LRRTM4: variants seen among roughly 807,000 people sequenced by gnomAD.
LRRTM4 encodes the protein leucine-rich repeat transmembrane neuronal protein 4.
A neutral mutation model predicts 47.6 loss-of-function variants in LRRTM4; 25 were observed. The ratio of observed to expected loss-of-function variants is 0.53; its 90% CI spans 0.38 to 0.73. The LOEUF (loss-of-function observed/expected upper bound fraction) is 0.73, where lower values mean the gene tolerates loss of function less well. Among genes scored for constraint, LRRTM4 ranks in the 30% least tolerant of loss-of-function variants. The pLI is 0.00. For missense variants in LRRTM4, 638 were observed against 713.4 expected (o/e 0.89, Z 1.20); for synonymous variants, 311 against 269.5 (o/e 1.15, Z -1.51).
chr2:77,401,945 A>G (rs1673976266), intron 3 of LRRTM4, among the ~76,000 whole-genome samples: 1 of 152,022 alleles, frequency 6.6e-6, no homozygotes, highest in African/African-American at 2.4e-5. Context: ...TGAAAGAACG[A>G]CTATTTTAGA....
chr2:77,222,872 C>T (rs1674681090), intron 3 of LRRTM4, among the ~76,000 whole-genome samples: 1 of 152,142 alleles, frequency 6.6e-6, no homozygotes, highest in African/African-American at 2.4e-5. Flanking sequence ...TCAGCATCAT[C>T]CTGATACCAA....
intron 3 of LRRTM4, among the ~76,000 whole-genome samples, chr2:77,050,822 C>T (rs1679406350): frequency 6.6e-6 from 1 of 152,074 alleles, no homozygotes; most frequent in African/African-American, 2.4e-5. Context: ...TAAGTAAATA[C>T]ACTTTAACTT....
At chr2:77,476,333 C>T (rs1457496308) in intron 3 of LRRTM4, among the ~76,000 whole-genome samples, 1 of 151,980 alleles carries the variant, frequency 6.6e-6, no homozygotes, top group African/African-American at 2.4e-5. Context: ...TTCACATGCT[C>T]ATTTATTCAG....
chr2:76,979,756 A>C (rs955085277), intron 3 of LRRTM4, among the ~76,000 whole-genome samples: 5 of 151,556 alleles, frequency 3.3e-5, no homozygotes, highest in African/African-American at 9.7e-5. Context: ...GAAATACTTG[A>C]AGATGTGAGT....
At chr2:77,183,122 G>C (rs1673395904) in intron 3 of LRRTM4, among the ~76,000 whole-genome samples, 1 of 151,854 alleles carries the variant, frequency 6.6e-6, no homozygotes, top group Admixed American at 6.6e-5. Flanking sequence ...CACAGCAAAA[G>C]AAACTACTAT....
chr2:77,024,981 AAG>A (rs1298070336), intron 3 of LRRTM4, among the ~76,000 whole-genome samples: 2 of 152,184 alleles, frequency 1.3e-5, no homozygotes, highest in Non-Finnish European at 2.9e-5. Flanking sequence ...TACGGTGAAA[AAG>A]AATCTTGATC....
At chr2:76,869,856 T>C (rs1672573290) in intron 3 of LRRTM4, among the ~76,000 whole-genome samples, 1 of 152,170 alleles carries the variant, frequency 6.6e-6, no homozygotes, top group African/African-American at 2.4e-5. Flanking sequence ...AATAATAATA[T>C]GTTATAAACT....
chr2:77,048,705 T>C (rs893447071), intron 3 of LRRTM4, among the ~76,000 whole-genome samples: 2 of 148,416 alleles, frequency 1.3e-5, no homozygotes, highest in African/African-American at 4.8e-5. Flanking sequence ...ATGCATACCA[T>C]ATGTAATTAT....
chr2:77,512,210 C>T (rs1339040923), intron 3 of LRRTM4, among the ~76,000 whole-genome samples: 4 of 152,108 alleles, frequency 2.6e-5, no homozygotes, highest in African/African-American at 9.7e-5. Flanking sequence ...AACTCTTTAG[C>T]AGGAGTTTAA....
chr2:76,776,466 G>T (rs1673998938), intron 3 of LRRTM4, among the ~76,000 whole-genome samples: 1 of 152,062 alleles, frequency 6.6e-6, no homozygotes, highest in Non-Finnish European at 1.5e-5. Flanking sequence ...GGTGTGAGAT[G>T]GTATCTCATT....
At position 77,258,121 on chromosome 2, in the gene LRRTM4, G is replaced by GA. The variant is rs59372252; in HGVS notation, c.1551+260196dup. The stretch of plus-strand genomic sequence containing the variant: ...CAAAAATAAAAAGAAAAGAAAAAAA[G>GA]AAAAAAAAAAAGACTACGAAGAAAC... On this transcript the variant is annotated intron_variant, in intron 3 of 3. Coordinates refer to ENST00000409884, the MANE Select transcript of LRRTM4 (RefSeq NM_001134745.3). 7.8e-4 allele frequency among the ~76,000 whole-genome samples: 104 copies of GA among 134,050 alleles called. 1 individual carries two copies. The highest frequency in any genetic ancestry group is 6.4e-3 in the South Asian group (24 of 3,776). The allele number at this position is 134,050 out of a possible 152,430, so 87.9% of individuals were successfully genotyped here.
At chr2:76,929,925 T>TGTGTGTG (rs1674714067) in intron 3 of LRRTM4, among the ~76,000 whole-genome samples, 3 of 149,206 alleles carry the variant, frequency 2.0e-5, no homozygotes, top group African/African-American at 7.4e-5. Context: ...CAATTAGAGT[T>TGTGTGTG]TGTGTGTGTG....
chr2:76,959,916 G>A (rs992226580), intron 3 of LRRTM4, among the ~76,000 whole-genome samples: 1 of 151,284 alleles, frequency 6.6e-6, no homozygotes, highest in Non-Finnish European at 1.5e-5. Context: ...AAGTATGCTG[G>A]TCATTATTAG....
intron 3 of LRRTM4, among the ~76,000 whole-genome samples, chr2:76,789,557 C>G (rs1374471268): frequency 6.6e-6 from 1 of 152,200 alleles, no homozygotes; most frequent in East Asian, 1.9e-4. Flanking sequence ...GCACCAGCCA[C>G]ATACCTTTTT....
intron 3 of LRRTM4, among the ~76,000 whole-genome samples, chr2:77,175,467 A>G (rs1673169219): frequency 6.6e-6 from 1 of 152,050 alleles, no homozygotes; most frequent in Non-Finnish European, 1.5e-5. Context: ...ATGTGTCTAG[A>G]CTTGCTGGCT....
chr2:77,260,943 TCTC>T (rs1331594307), intron 3 of LRRTM4, among the ~76,000 whole-genome samples: 1 of 152,050 alleles, frequency 6.6e-6, no homozygotes, highest in African/African-American at 2.4e-5. Context: ...AAAATAATAG[TCTC>T]CTATATTCAC....
At chr2:77,383,176 C>T (rs1022190321) in intron 3 of LRRTM4, among the ~76,000 whole-genome samples, 13 of 152,032 alleles carry the variant, frequency 8.6e-5, no homozygotes, top group Non-Finnish European at 1.9e-4. Flanking sequence ...TATTATGTTA[C>T]TATTTGTAAA....
chr2:77,466,490 T>A (rs1676986842), intron 3 of LRRTM4, among the ~76,000 whole-genome samples: 1 of 152,182 alleles, frequency 6.6e-6, no homozygotes, highest in African/African-American at 2.4e-5. Context: ...TAATAAACAA[T>A]TTCATCCATC....
At chr2:77,393,278 C>G (rs187521263) in intron 3 of LRRTM4, among the ~76,000 whole-genome samples, 2 of 151,946 alleles carry the variant, frequency 1.3e-5, no homozygotes, top group Admixed American at 6.6e-5. Context: ...ATATTTAACC[C>G]TCCCACGGCA....
Sources: gnomAD v4.1 joint callset for allele counts (sites outside exome capture counted in the v4.1 genomes callset) on GRCh38, gnomAD v4.1.1 for gene constraint, MANE v1.5 for transcripts, NCBI Gene and HGNC (gene_info 2026-07-23, HGNC 2026-07-21) for gene names.